The following PACRG variants were observed in gnomAD, a reference collection of about 807,000 sequenced individuals.
PACRG encodes parkin coregulated, also known as parkin coregulated gene protein.
In PACRG, 29 loss-of-function variants were observed where a neutral mutation model predicts 29.7. That is an observed-to-expected ratio of 0.98 (90% CI 0.73 to 1.33). The LOEUF is 1.33. PACRG is among the 40% of genes most tolerant of loss of function. The probability of loss-of-function intolerance (pLI) is 0.00; values close to 1 mark genes in which losing one functional copy is unlikely to be tolerated. For synonymous variants in PACRG, 116 were observed against 118.7 expected (o/e 0.98, Z 0.15); for missense variants, 279 against 316.2 (o/e 0.88, Z 0.89).
chr6:163,223,250 C>T (rs113101383), intron 4 of PACRG, among the ~76,000 whole-genome samples: 16 of 152,064 alleles, frequency 1.1e-4, no homozygotes, highest in African/African-American at 3.1e-4. Flanking sequence ...AAAAATTAGC[C>T]GAGCATGGTG....
intron 2 of PACRG, among the ~76,000 whole-genome samples, chr6:163,040,907 AG>A (rs1381116470): frequency 3.9e-5 from 6 of 152,200 alleles, no homozygotes; most frequent in African/African-American, 1.4e-4. Context: ...GCTGGAATTT[AG>A]TTAAGACTTT....
At chr6:162,762,363 A>T (rs1304135963) in intron 1 of PACRG, among the ~76,000 whole-genome samples, 2 of 152,206 alleles carry the variant, frequency 1.3e-5, no homozygotes, top group Non-Finnish European at 2.9e-5. Context: ...TGTGGAACAA[A>T]CATTGGGAAT....
chr6:163,070,369 A>G (rs1475818202), intron 3 of PACRG, among the ~76,000 whole-genome samples: 1 of 152,140 alleles, frequency 6.6e-6, no homozygotes, highest in Non-Finnish European at 1.5e-5. Flanking sequence ...TAGACAGTAT[A>G]ATAAAATACA....
At chr6:162,832,424 A>G (rs1788860711) in intron 2 of PACRG, among the ~76,000 whole-genome samples, 1 of 152,174 alleles carries the variant, frequency 6.6e-6, no homozygotes, top group Non-Finnish European at 1.5e-5. Flanking sequence ...AATATGCCTT[A>G]TCAGTGCTCC....
At chr6:163,208,086 A>G (rs1780982472) in intron 4 of PACRG, among the ~76,000 whole-genome samples, 1 of 152,236 alleles carries the variant, frequency 6.6e-6, no homozygotes, top group African/African-American at 2.4e-5. Context: ...GCCACTGTCT[A>G]CATGAGCATA....
At chr6:163,019,573 A>G (rs1206413827) in intron 2 of PACRG, among the ~76,000 whole-genome samples, 2 of 150,554 alleles carry the variant, frequency 1.3e-5, no homozygotes, top group Non-Finnish European at 2.9e-5. Context: ...CCCAGCTTCA[A>G]ATATGGCATC....
At chr6:162,854,166 G>GT (rs60399122) in intron 2 of PACRG, among the ~76,000 whole-genome samples, 2,375 of 140,244 alleles carry the variant, frequency 0.017, 34 homozygotes, top group African/African-American at 0.029. Flanking sequence ...TTTTCTTTCT[G>GT]TTTTTTTTTT....
chr6:163,153,824 A>G (rs984611641), intron 4 of PACRG, among the ~76,000 whole-genome samples: 1 of 152,202 alleles, frequency 6.6e-6, no homozygotes, highest in Non-Finnish European at 1.5e-5. Flanking sequence ...TGACATGTCA[A>G]TACTATCGCT....
intron 1 of PACRG, among the ~76,000 whole-genome samples, chr6:162,808,174 C>G (rs938385112): frequency 1.3e-5 from 2 of 152,196 alleles, no homozygotes. Context: ...CAGAACTTCT[C>G]ACTCAGGAGC....
intron 3 of PACRG, among the ~76,000 whole-genome samples, chr6:163,076,029 G>A (rs1419393303): frequency 6.6e-6 from 1 of 152,174 alleles, no homozygotes; most frequent in Non-Finnish European, 1.5e-5. Flanking sequence ...TCATTGGCCA[G>A]ACATAGTCTA....
chr6:163,162,089 G>A (rs12197200), intron 4 of PACRG, among the ~76,000 whole-genome samples: 16,687 of 152,176 alleles, frequency 0.11, 1,108 homozygotes, highest in Middle Eastern at 0.2. Context: ...TGGGTATGGG[G>A]CTTGCTGGAG....
chr6:163,089,115 C>A, intron 3 of PACRG, 144 bp from the exon 4 acceptor site: 1 of 749,068 alleles, frequency 1.3e-6, no homozygotes, highest in Non-Finnish European at 2.1e-6. Context: ...ATGTGTCATC[C>A]AAAGCTATAA....
At chr6:163,290,267 C>T (rs1352456185) in intron 4 of PACRG, among the ~76,000 whole-genome samples, 3 of 80,824 alleles carry the variant, frequency 3.7e-5, no homozygotes, top group Non-Finnish European at 7.0e-5. Flanking sequence ...TGCGCATGCA[C>T]GCGCGCGCGC....
chr6:162,966,712 G>C (rs538071201), intron 2 of PACRG, among the ~76,000 whole-genome samples: 1 of 151,954 alleles, frequency 6.6e-6, no homozygotes. Flanking sequence ...TCCTGACCTC[G>C]TGATCCACCC....
intron 1 of PACRG, among the ~76,000 whole-genome samples, chr6:162,735,690 CTG>C (rs1300221115): frequency 1.3e-5 from 2 of 152,282 alleles, no homozygotes; most frequent in South Asian, 2.1e-4. Context: ...GTTACCCACT[CTG>C]TGAGTTTCCT....
chr6:163,046,937 A>G (rs1001306614), intron 2 of PACRG, among the ~76,000 whole-genome samples: 1 of 152,268 alleles, frequency 6.6e-6, no homozygotes, highest in African/African-American at 2.4e-5. Context: ...ATGCTGATGT[A>G]AGAGACAACA....
chr6:162,957,407 C>T lies in PACRG; in HGVS notation c.292-104743C>T, dbSNP rs534034900. On this transcript the variant is annotated intron_variant, in intron 2 of 4. Coordinates refer to ENST00000366888, the MANE Select transcript of PACRG (RefSeq NM_001080379.2). ...AATCTCATAAGAACTTTAGGTCTCACAGCACGGACCCCTCAAAGTCTGCCT... is the reference window on the plus strand; with the variant it reads ...AATCTCATAAGAACTTTAGGTCTCATAGCACGGACCCCTCAAAGTCTGCCT... 159 of 547,834 alleles carry T rather than the reference C, an allele frequency of 2.9e-4. 2 individuals carry two copies. The Middle Eastern group carries it at 8.8e-3, about 30-fold the overall frequency. 33.9% of individuals were successfully genotyped at this position (547,834 alleles called of 1,614,324 possible).
intron 2 of PACRG, among the ~76,000 whole-genome samples, chr6:163,059,275 T>C (rs1224656639): frequency 1.3e-5 from 2 of 152,198 alleles, no homozygotes; most frequent in Non-Finnish European, 2.9e-5. Flanking sequence ...TTCTCTTTTC[T>C]CATAACTTTT....
intron 2 of PACRG, among the ~76,000 whole-genome samples, chr6:162,949,650 A>C (rs933945386): frequency 2.0e-5 from 3 of 152,180 alleles, no homozygotes; most frequent in African/African-American, 7.2e-5. Flanking sequence ...CTGTGTATGA[A>C]AAAATTTAAT....
Sources: allele counts gnomAD v4.1 joint callset (sites outside exome capture counted in the v4.1 genomes callset), GRCh38; gene constraint gnomAD v4.1.1; transcripts MANE v1.5; gene names NCBI Gene and HGNC (gene_info 2026-07-23, HGNC 2026-07-21).